Variants in SMG6 observed in about 807,000 individuals in gnomAD.
SMG6 encodes the protein SMG6 nonsense mediated mRNA decay factor.
Under a neutral mutation model 142.2 loss-of-function variants are expected in SMG6, and 66 were observed. That is an observed-to-expected ratio of 0.46 (90% CI 0.38 to 0.57). SMG6 has a LOEUF of 0.57. Ranked by LOEUF, SMG6 falls within the 20% of genes least tolerant of loss-of-function variation. The probability of loss-of-function intolerance (pLI) is 0.00; values close to 1 mark genes in which losing one functional copy is unlikely to be tolerated. For synonymous variants in SMG6, 779 were observed against 702.4 expected (o/e 1.11, Z -1.72); for missense variants, 1,793 against 1,832.0 (o/e 0.98, Z 0.39).
chr17:2,259,446 T>C (rs2074263942), intron 8 of SMG6, among the ~76,000 whole-genome samples: 1 of 151,984 alleles, frequency 6.6e-6, no homozygotes, highest in African/African-American at 2.4e-5. Flanking sequence ...AGCTCATGCC[T>C]GTAAGAGGAT....
intron 12 of SMG6, among the ~76,000 whole-genome samples, chr17:2,176,621 C>T (rs149864436): frequency 3.1e-4 from 47 of 152,280 alleles, no homozygotes; most frequent in African/African-American, 1.1e-3. Flanking sequence ...TCCAATGAGC[C>T]TGCTTATGGC....
intron 18 of SMG6, among the ~76,000 whole-genome samples, chr17:2,064,803 C>T (rs966696247): frequency 2.0e-5 from 3 of 151,990 alleles, no homozygotes; most frequent in Admixed American, 6.5e-5. Flanking sequence ...AGAAAGGAAA[C>T]GGATGCATGC....
At chr17:2,123,367 C>T (rs2069765064) in intron 13 of SMG6, among the ~76,000 whole-genome samples, 1 of 152,182 alleles carries the variant, frequency 6.6e-6, no homozygotes, top group Non-Finnish European at 1.5e-5. Flanking sequence ...TGGCTTAAAC[C>T]CCATGGAGGT....
Position 2,059,879 on chromosome 17 carries a change from A to G in SMG6, c.*1613T>C, listed in dbSNP as rs1323161976. ...ACTAAAAATTTATTAAGGAAACAAA[A>G]CCAGTGCTGCAAACGGGACAGAAAG... On this transcript the variant is annotated 3_prime_UTR_variant, in exon 19 of 19. Transcript: ENST00000263073. 6.1e-6 allele frequency: 1 copy of G among 162,892 alleles called. No individual in the cohort carries two copies. Among genetic ancestry groups the G allele is most frequent in the Non-Finnish European group, 1.5e-5 (1 of 68,098 alleles). 10.1% of individuals were successfully genotyped at this position (162,892 alleles called of 1,614,324 possible).
In SMG6 at chr17:2,283,738, G is replaced by A; in HGVS notation, c.2338-3C>T. 4 of 1,610,656 alleles carry A rather than the reference G, an allele frequency of 2.5e-6. No individual in the cohort carries two copies. The highest frequency in any genetic ancestry group is 3.4e-6 in the Non-Finnish European group (4 of 1,176,980). On this transcript the variant is annotated splice_polypyrimidine_tract_variant and splice_region_variant and intron_variant, in intron 6 of 18. Transcript: ENST00000263073. ...TAGACAGCGTCAAGCTTCCTCCTCT[G>A]TGGAAAGAGGCCAGAGACATTCAGT...
chr17:2,298,157 A>T, intron 2 of SMG6, 102 bp from the exon 3 acceptor site: 1 of 1,091,642 alleles, frequency 9.2e-7, no homozygotes, highest in Non-Finnish European at 1.3e-6. Context: ...CCTGGCAGGA[A>T]ATAAAAAATG....
At chr17:2,245,445 G>C (rs537439916) in intron 8 of SMG6, among the ~76,000 whole-genome samples, 2 of 152,180 alleles carry the variant, frequency 1.3e-5, no homozygotes, top group Non-Finnish European at 2.9e-5. Context: ...GAGTGCAGTG[G>C]TATGATTTCA....
chr17:2,080,640 CTT>C (rs796298262), intron 15 of SMG6, among the ~76,000 whole-genome samples: 13 of 144,194 alleles, frequency 9.0e-5, no homozygotes, highest in East Asian at 2.0e-4. Context: ...TTTCTTTTTT[CTT>C]TTTTTTTTTT....
Position 2,219,135 on chromosome 17 carries a change from C to T in SMG6, c.2869+17357G>A, listed in dbSNP as rs543102554. On this transcript the variant is annotated intron_variant, in intron 10 of 18. Coordinates refer to ENST00000263073, the MANE Select transcript of SMG6 (RefSeq NM_017575.5). The stretch of plus-strand genomic sequence containing the variant: ...CACGGTGGCTCATGCCTGTAATCCC[C>T]GCACTTTGGGAGGCGGAGGTGGGTG... 4.0e-5 allele frequency among the ~76,000 whole-genome samples: 6 copies of T among 151,296 alleles called. No individual in the cohort carries two copies. The South Asian group carries it at 8.4e-4, about 21-fold the overall frequency.
chr17:2,114,231 T>C (rs1057331448), intron 13 of SMG6, among the ~76,000 whole-genome samples: 1 of 152,020 alleles, frequency 6.6e-6, no homozygotes, highest in African/African-American at 2.4e-5. Context: ...GATTGCGCCA[T>C]TGCACTCCAG....
chr17:2,149,031 T>C (rs2070749367), intron 13 of SMG6, among the ~76,000 whole-genome samples: 1 of 152,044 alleles, frequency 6.6e-6, no homozygotes, highest in Non-Finnish European at 1.5e-5. Flanking sequence ...ATGTACTTAA[T>C]GCTGTAGAAC....
intron 13 of SMG6, among the ~76,000 whole-genome samples, chr17:2,130,108 A>C (rs1216883754): frequency 6.6e-6 from 1 of 151,088 alleles, no homozygotes; most frequent in Non-Finnish European, 1.5e-5. Flanking sequence ...AAAATACAAA[A>C]AATTAGCTGG....
At chr17:2,286,208 T>A (rs79224119) in intron 6 of SMG6, among the ~76,000 whole-genome samples, 4,025 of 148,848 alleles carry the variant, frequency 0.027, 76 homozygotes, top group South Asian at 0.073. Context: ...CAAAGCAATC[T>A]ACAGATTCAG....
intron 12 of SMG6, among the ~76,000 whole-genome samples, chr17:2,181,541 G>C (rs2071806617): frequency 6.6e-6 from 1 of 152,246 alleles, no homozygotes; most frequent in South Asian, 2.1e-4. Context: ...CTTCACGAGA[G>C]AGTAAGTGGT....
chr17:2,249,065 T>G (rs1358543347), intron 8 of SMG6, among the ~76,000 whole-genome samples: 2 of 151,982 alleles, frequency 1.3e-5, no homozygotes. Context: ...TTTTTTTTTT[T>G]TGTATTTTCA....
At chr17:2,292,204 T>C (rs572873572) in intron 6 of SMG6, among the ~76,000 whole-genome samples, 1 of 152,342 alleles carries the variant, frequency 6.6e-6, no homozygotes, top group Admixed American at 6.5e-5. Flanking sequence ...AGCCTTATTT[T>C]TCGTCTAGAA....
intron 15 of SMG6, among the ~76,000 whole-genome samples, chr17:2,079,997 C>T (rs1311458146): frequency 6.6e-6 from 1 of 151,852 alleles, no homozygotes; most frequent in African/African-American, 2.4e-5. Context: ...ATCGTTTCAA[C>T]CCGGGAGGCA....
intron 13 of SMG6, among the ~76,000 whole-genome samples, chr17:2,104,610 A>G (rs373214204): frequency 6.7e-6 from 1 of 150,334 alleles, no homozygotes; most frequent in African/African-American, 2.5e-5. Context: ...TTCCTCTGCA[A>G]TTTTCATTGA....
chr17:2,081,065 T>C (rs1035897289), intron 15 of SMG6, among the ~76,000 whole-genome samples: 2 of 152,186 alleles, frequency 1.3e-5, no homozygotes, highest in South Asian at 4.1e-4. Context: ...TCAAACCCTA[T>C]GCCAAAGGAC....
Sources: allele counts gnomAD v4.1 joint callset (sites outside exome capture counted in the v4.1 genomes callset), GRCh38; gene constraint gnomAD v4.1.1; transcripts MANE v1.5; gene names NCBI Gene and HGNC (gene_info 2026-07-23, HGNC 2026-07-21).